Variants in ASTN2 observed in about 807,000 individuals in gnomAD.
ASTN2 encodes astrotactin 2.
ASTN2 carries 54 observed loss-of-function variants against 139.8 expected under a neutral mutation model. That is an observed-to-expected ratio of 0.39 (90% confidence interval 0.31 to 0.48). The LOEUF (loss-of-function observed/expected upper bound fraction) is 0.48, where lower values mean the gene tolerates loss of function less well. ASTN2 is among the 20% of genes least tolerant of loss of function. The pLI is 0.95. For synonymous variants in ASTN2, 756 were observed against 719.5 expected (o/e 1.05, Z -0.81); for missense variants, 1,565 against 1,725.1 (o/e 0.91, Z 1.64).
At chr9:116,868,903 C>T (rs1206057832) in intron 10 of ASTN2, among the ~76,000 whole-genome samples, 1 of 152,086 alleles carries the variant, frequency 6.6e-6, no homozygotes, top group Non-Finnish European at 1.5e-5. Flanking sequence ...TAAAATGACA[C>T]CATTTGGGCT....
intron 2 of ASTN2, among the ~76,000 whole-genome samples, chr9:117,247,854 C>T (rs1310942549): frequency 6.6e-6 from 1 of 152,204 alleles, no homozygotes; most frequent in Non-Finnish European, 1.5e-5. Context: ...CAGGTGCTTG[C>T]AAGACATGAC....
intron 2 of ASTN2, among the ~76,000 whole-genome samples, chr9:117,276,108 G>A (rs150628683): frequency 7.8e-4 from 119 of 152,282 alleles, no homozygotes; most frequent in Middle Eastern, 3.4e-3. Flanking sequence ...AAGAGCATTT[G>A]AGCTTCAAGA....
chr9:116,786,719 G>A (rs895435183), intron 13 of ASTN2, among the ~76,000 whole-genome samples: 42 of 152,156 alleles, frequency 2.8e-4, no homozygotes, highest in African/African-American at 9.9e-4. Context: ...TGCCTGTAAA[G>A]AAATCAGTTT....
At chr9:117,323,356 T>TACCACC (rs58313578) in intron 1 of ASTN2, among the ~76,000 whole-genome samples, 5 of 151,184 alleles carry the variant, frequency 3.3e-5, no homozygotes, top group Non-Finnish European at 5.9e-5. Flanking sequence ...CCTCAAAGAC[T>TACCACC]ACCACCACCA....
chr9:117,169,687 C>T (rs1459347462), intron 3 of ASTN2, among the ~76,000 whole-genome samples: 2 of 150,002 alleles, frequency 1.3e-5, no homozygotes, highest in African/African-American at 2.4e-5. Context: ...AACGAACATT[C>T]TGTGGGCGCC....
intron 19 of ASTN2, among the ~76,000 whole-genome samples, chr9:116,604,175 C>G (rs1022645482): frequency 6.6e-6 from 1 of 152,050 alleles, no homozygotes; most frequent in Non-Finnish European, 1.5e-5. Flanking sequence ...GGACATAGAC[C>G]ATAGTAACAG....
At chr9:116,622,140 A>G (rs1444295221) in intron 17 of ASTN2, among the ~76,000 whole-genome samples, 1 of 152,182 alleles carries the variant, frequency 6.6e-6, no homozygotes, top group South Asian at 2.1e-4. Context: ...TTCATTCTGC[A>G]TTGTCTAAAA....
chr9:116,582,476 G>A (rs1853988917), intron 19 of ASTN2: 2 of 152,196 alleles, frequency 1.3e-5, no homozygotes, highest in Non-Finnish European at 2.9e-5. Flanking sequence ...CCAAAAGAAA[G>A]TATTGTACCC....
intron 1 of ASTN2, among the ~76,000 whole-genome samples, chr9:117,293,405 T>C (rs1437951121): frequency 6.6e-6 from 1 of 151,750 alleles, no homozygotes; most frequent in African/African-American, 2.4e-5. Context: ...CATGGCCTCC[T>C]ACTCATTCCA....
At chr9:116,814,654 G>A (rs981109425) in intron 12 of ASTN2, among the ~76,000 whole-genome samples, 5 of 152,138 alleles carry the variant, frequency 3.3e-5, no homozygotes, top group Admixed American at 6.5e-5. Context: ...GGGCACTTTA[G>A]AATCAATGAA....
chr9:116,785,841 C>T (rs1187736981), intron 13 of ASTN2, among the ~76,000 whole-genome samples: 1 of 152,190 alleles, frequency 6.6e-6, no homozygotes, highest in African/African-American at 2.4e-5. Flanking sequence ...TCCCTGATTT[C>T]ACCCTGCCCA....
chr9:116,838,688 G>A (rs1588338785), intron 11 of ASTN2, among the ~76,000 whole-genome samples: 1 of 150,924 alleles, frequency 6.6e-6, no homozygotes, highest in African/African-American at 2.4e-5. Context: ...GCCTCCCAAA[G>A]TGATAGGATT....
chr9:116,605,903 A>T (rs1257381098), intron 19 of ASTN2, among the ~76,000 whole-genome samples: 2 of 152,184 alleles, frequency 1.3e-5, no homozygotes, highest in African/African-American at 4.8e-5. Context: ...AAGAAACCAG[A>T]GCCCTAGTTC....
intron 10 of ASTN2, among the ~76,000 whole-genome samples, chr9:116,897,349 C>G (rs890962237): frequency 6.6e-6 from 1 of 152,216 alleles, no homozygotes; most frequent in African/African-American, 2.4e-5. Context: ...CACATTCCCT[C>G]CCAGACTGAG....
chr9:117,078,675 C>T (rs570256942), intron 5 of ASTN2, among the ~76,000 whole-genome samples: 82 of 152,248 alleles, frequency 5.4e-4, no homozygotes, highest in South Asian at 1.7e-3. Context: ...ACCATCTATG[C>T]CTTGGTTCCT....
At chr9:117,022,382 C>G (rs547728907) in intron 6 of ASTN2, among the ~76,000 whole-genome samples, 12 of 151,680 alleles carry the variant, frequency 7.9e-5, no homozygotes, top group African/African-American at 2.9e-4. Context: ...AGATGCATAC[C>G]CTTTAGATGA....
At chr9:117,253,324 G>T (rs1171821861) in intron 2 of ASTN2, among the ~76,000 whole-genome samples, 2 of 152,182 alleles carry the variant, frequency 1.3e-5, no homozygotes, top group African/African-American at 4.8e-5. Flanking sequence ...CAAAGGAGGT[G>T]CTGGGTCATG....
At chr9:116,812,281 G>T (rs1344444144) in intron 12 of ASTN2, among the ~76,000 whole-genome samples, 1 of 152,180 alleles carries the variant, frequency 6.6e-6, no homozygotes, top group East Asian at 1.9e-4. Flanking sequence ...TTGAAGATGG[G>T]ATTAAGTAAA....
At chr9:116,897,832 AG>A in intron 10 of ASTN2, among the ~76,000 whole-genome samples, 1 of 152,334 alleles carries the variant, frequency 6.6e-6, no homozygotes, top group East Asian at 1.9e-4. Context: ...GTATTTTTAA[AG>A]GACTGAAGTG....
Sources: allele counts gnomAD v4.1 joint callset (sites outside exome capture counted in the v4.1 genomes callset), GRCh38; gene constraint gnomAD v4.1.1; transcripts MANE v1.5; gene names NCBI Gene and HGNC (gene_info 2026-07-23, HGNC 2026-07-21).